Variants in NTNG2 observed in about 807,000 individuals in gnomAD.
NTNG2 encodes the protein netrin-G2.
A neutral mutation model predicts 47.6 loss-of-function variants in NTNG2; 15 were observed. The observed-to-expected ratio is 0.32, with a 90% CI of 0.21 to 0.49. The LOEUF (loss-of-function observed/expected upper bound fraction) is 0.49. Among genes scored for constraint, NTNG2 ranks in the 20% least tolerant of loss-of-function variants. The probability of loss-of-function intolerance (pLI) is 0.99; values close to 1 mark genes in which losing one functional copy is unlikely to be tolerated. For synonymous variants in NTNG2, 307 were observed against 324.6 expected (o/e 0.95, Z 0.58); for missense variants, 578 against 764.6 (o/e 0.76, Z 2.88).
chr9:132,183,581 C>T (rs1837110046), intron 2 of NTNG2, among the ~76,000 whole-genome samples: 1 of 152,236 alleles, frequency 6.6e-6, no homozygotes, highest in Non-Finnish European at 1.5e-5. Context: ...CTGTGCCACT[C>T]ATGGGGACCA....
At chr9:132,238,293 G>A (rs1564447462) in intron 5 of NTNG2, among the ~76,000 whole-genome samples, 1 of 152,178 alleles carries the variant, frequency 6.6e-6, no homozygotes. Flanking sequence ...GCAGTCACGG[G>A]CTTGTCTGGT....
chr9:132,207,007 C>T lies in NTNG2; in HGVS notation c.857+8398C>T, dbSNP rs79777304. Among the ~76,000 whole-genome samples, 961 of 152,364 alleles carry T rather than the reference C, an allele frequency of 6.3e-3. 17 individuals carry two copies. In the East Asian group the frequency reaches 0.07, roughly 11 times the overall value. Reference sequence around the variant, plus strand: ...GGCGGAGAGGGCAGGAGGGGCATCTCGGCCTTGGCCAGGGTCACAGGAGGC... The same window carrying T: ...GGCGGAGAGGGCAGGAGGGGCATCTTGGCCTTGGCCAGGGTCACAGGAGGC... On this transcript the variant is annotated intron_variant, in intron 3 of 7. Transcript: ENST00000393229.
chr9:132,240,697 A>C (rs1258634828), intron 6 of NTNG2: 1 of 656,706 alleles, frequency 1.5e-6, no homozygotes, highest in Non-Finnish European at 2.6e-6. Flanking sequence ...GACGTGTTTG[A>C]TCCCAAGGAA....
At chr9:132,211,789 G>A (rs539058420) in intron 3 of NTNG2, among the ~76,000 whole-genome samples, 8 of 152,270 alleles carry the variant, frequency 5.3e-5, no homozygotes, top group African/African-American at 1.7e-4. Context: ...CCATAGCTAT[G>A]CACGTACACG....
At chr9:132,216,272 G>C (rs1839962015) in intron 3 of NTNG2, among the ~76,000 whole-genome samples, 1 of 152,150 alleles carries the variant, frequency 6.6e-6, no homozygotes. Context: ...CTGTGTGCCA[G>C]GCAGTGTGTT....
At chr9:132,210,580 C>T (rs375828314) in intron 3 of NTNG2, among the ~76,000 whole-genome samples, 119 of 152,326 alleles carry the variant, frequency 7.8e-4, no homozygotes, top group Middle Eastern at 3.4e-3. Flanking sequence ...CCCAGTTCTG[C>T]CTGGGCCACT....
chr9:132,179,567 G>C (rs1282236121), intron 2 of NTNG2, among the ~76,000 whole-genome samples: 1 of 152,204 alleles, frequency 6.6e-6, no homozygotes, highest in African/African-American at 2.4e-5. Context: ...GGGTTTTGGT[G>C]GTGTGCTGGA....
intron 3 of NTNG2, among the ~76,000 whole-genome samples, chr9:132,216,454 G>C (rs1840001692): frequency 3.0e-5 from 4 of 133,036 alleles, no homozygotes; most frequent in Non-Finnish European, 6.3e-5. Context: ...GTGTGTGTGT[G>C]TGTGTGTGTG....
intron 3 of NTNG2, among the ~76,000 whole-genome samples, chr9:132,220,307 C>T (rs1437923695): frequency 6.6e-6 from 1 of 152,124 alleles, no homozygotes; most frequent in Non-Finnish European, 1.5e-5. Context: ...TTTCACTTTC[C>T]TGACAGTGTC....
In NTNG2 at chr9:132,163,303, C is replaced by G. The variant is rs1011091003; in HGVS notation, c.-484+1064C>G. Among the ~76,000 whole-genome samples, 3 of 151,020 alleles carry G rather than the reference C, an allele frequency of 2.0e-5. No individual in the cohort carries two copies. Among genetic ancestry groups the G allele is most frequent in the African/African-American group, 7.3e-5 (3 of 41,088 alleles). On this transcript the variant is annotated intron_variant, in intron 1 of 7. Coordinates refer to ENST00000393229, the MANE Select transcript of NTNG2 (RefSeq NM_032536.4). The surrounding 1 kb of genome is among the most constrained non-coding windows in gnomAD (Gnocchi z 7.2). ...GGCCTCGACCCCGCCCGCGGCCCGC[C>G]GGGACCCACCCGGGAGCTGCTGCTC...
At chr9:132,241,147 T>G (rs1303334913) in intron 7 of NTNG2, 103 bp downstream of exon 7, 7 of 953,090 alleles carry the variant, frequency 7.3e-6, no homozygotes, top group Admixed American at 5.5e-5. Flanking sequence ...GGCGGTGGAC[T>G]GGGCCTAGCA....
At chr9:132,241,136 G>T in intron 7 of NTNG2, 92 bp downstream of exon 7, 1 of 1,424,924 alleles carries the variant, frequency 7.0e-7, no homozygotes, top group Non-Finnish European at 9.3e-7. Context: ...GACGGGGCAG[G>T]GGCGGTGGAC....
intron 6 of NTNG2, among the ~76,000 whole-genome samples, chr9:132,240,246 T>A (rs1379431991): frequency 6.6e-6 from 1 of 152,216 alleles, no homozygotes; most frequent in Non-Finnish European, 1.5e-5. Context: ...CTCTAAGTGA[T>A]CAAAGCCGCT....
At chr9:132,179,811 C>T (rs955174629) in intron 2 of NTNG2, among the ~76,000 whole-genome samples, 6 of 152,146 alleles carry the variant, frequency 3.9e-5, no homozygotes, top group South Asian at 2.1e-4. Flanking sequence ...CCAGGGCCTC[C>T]GTCACTGTCC....
At chr9:132,189,990 T>C (rs1253689667) in intron 2 of NTNG2, among the ~76,000 whole-genome samples, 1 of 146,148 alleles carries the variant, frequency 6.8e-6, no homozygotes, top group African/African-American at 2.5e-5. Flanking sequence ...TCCCAGCACT[T>C]TGGGAGGCCG....
rs1288208148 is a variant in NTNG2, at chr9:132,239,375, G to A, written c.1222+104G>A. On this transcript the variant is annotated intron_variant, in intron 6 of 7. Transcript: ENST00000393229. ...GCCCCCTGCATCAGAATCACCTGGG[G>A]AGACTGTGGGAATTCTAACTCCAGG... 1.3e-5 allele frequency: 14 copies of A among 1,090,944 alleles called. No individual in the cohort carries two copies. In the East Asian group the frequency reaches 3.2e-4, roughly 25 times the overall value. 67.6% of individuals were successfully genotyped at this position (1,090,944 alleles called of 1,614,324 possible).
At chr9:132,177,021 A>G (rs868674571) in intron 2 of NTNG2, among the ~76,000 whole-genome samples, 17 of 152,168 alleles carry the variant, frequency 1.1e-4, no homozygotes, top group Admixed American at 4.6e-4. Flanking sequence ...ACAGAGTCTC[A>G]TTCTGTCACC....
chr9:132,186,903 C>A (rs1347550857), intron 2 of NTNG2, among the ~76,000 whole-genome samples: 2 of 152,214 alleles, frequency 1.3e-5, no homozygotes, highest in East Asian at 1.9e-4. Flanking sequence ...GTGGGTAAGG[C>A]CCCTGCTCTC....
intron 2 of NTNG2, among the ~76,000 whole-genome samples, chr9:132,186,727 C>A (rs1383264067): frequency 6.6e-6 from 1 of 152,262 alleles, no homozygotes; most frequent in Non-Finnish European, 1.5e-5. Flanking sequence ...GCTGGAACAG[C>A]ATCCCCAAAG....
Sources: gnomAD v4.1 joint callset for allele counts (sites outside exome capture counted in the v4.1 genomes callset) on GRCh38, gnomAD v4.1.1 for gene constraint, Gnocchi (gnomAD v3.1) non-coding constraint, MANE v1.5 for transcripts, NCBI Gene and HGNC (gene_info 2026-07-23, HGNC 2026-07-21) for gene names.